The following PHF3 variants were observed in gnomAD, a reference collection of about 807,000 sequenced individuals.
PHF3 encodes PHD finger protein 3.
Under a neutral mutation model 178.4 loss-of-function variants are expected in PHF3, and 41 were observed. The ratio of observed to expected loss-of-function variants is 0.23; its 90% CI spans 0.18 to 0.30. PHF3 has a LOEUF of 0.30. PHF3 is among the 10% of genes least tolerant of loss of function. PHF3 has a pLI of 1.00. For missense variants in PHF3, 2,346 were observed against 2,398.1 expected, an observed-to-expected ratio of 0.98 and a Z score of 0.45; for synonymous variants, 842 against 800.5, an observed-to-expected ratio of 1.05 and a Z score of -0.88.
Position 63,721,641 on chromosome 6 carries a change from A to G in PHF3, c.*7933A>G. The stretch of plus-strand genomic sequence containing the variant: ...TGTTACATTTATCCCATCTAGATCC[A>G]GGTAGCCTTCTGCACCAACTCTTCC... On this transcript the variant is annotated 3_prime_UTR_variant, in exon 16 of 16. Coordinates refer to ENST00000262043, the MANE Select transcript of PHF3 (RefSeq NM_001370348.2). 1 of 1,551,406 alleles carries G rather than the reference A, an allele frequency of 6.4e-7. No individual in the cohort carries two copies. Among genetic ancestry groups the G allele is most frequent in the Non-Finnish European group, 8.7e-7 (1 of 1,146,694 alleles).
At chr6:63,641,603 AC>A (rs1318635058) in intron 1 of PHF3, among the ~76,000 whole-genome samples, 1 of 149,878 alleles carries the variant, frequency 6.7e-6, no homozygotes, top group East Asian at 2.0e-4. Context: ...TCATAGGTTT[AC>A]TTTGAAGGTG....
chr6:63,671,532 A>C (rs1765916340), intron 2 of PHF3, among the ~76,000 whole-genome samples: 1 of 152,224 alleles, frequency 6.6e-6, no homozygotes, highest in African/African-American at 2.4e-5. Flanking sequence ...TCTCTCAAAC[A>C]TTGAGAGTAG....
intron 2 of PHF3, among the ~76,000 whole-genome samples, chr6:63,651,871 C>T (rs1293566940): frequency 1.3e-5 from 2 of 152,120 alleles, no homozygotes; most frequent in African/African-American, 4.8e-5. Context: ...CCCATAATGG[C>T]AGAATTTTGT....
At chr6:63,710,661 CTTT>C (rs1172312066) in intron 14 of PHF3, among the ~76,000 whole-genome samples, 1 of 152,104 alleles carries the variant, frequency 6.6e-6, no homozygotes. Context: ...TCATCCAGCC[CTTT>C]TTATTTCTAA....
chr6:63,710,725 T>G (rs986288329), intron 14 of PHF3, among the ~76,000 whole-genome samples: 5 of 152,140 alleles, frequency 3.3e-5, no homozygotes, highest in South Asian at 2.1e-4. Context: ...TTTGTGTATA[T>G]AAATGTATGG....
At chr6:63,671,846 A>G (rs575712818) in intron 2 of PHF3, among the ~76,000 whole-genome samples, 1 of 152,318 alleles carries the variant, frequency 6.6e-6, no homozygotes, top group African/African-American at 2.4e-5. Flanking sequence ...TACCTGGTTC[A>G]GGTGATTCTC....
rs748710464 is a variant in PHF3 at position 63,680,131 on chromosome 6, C to G, written c.376C>G (p.Pro126Ala). 3.1e-6 allele frequency: 5 copies of G among 1,608,838 alleles called. No homozygotes were observed. Among genetic ancestry groups the G allele is most frequent in the East Asian group, 4.5e-5 (2 of 44,796 alleles). ...DKVEENSVRS[P>A]RKSPRLMAQE... is the part of the protein sequence containing the mutation. ...GGTAGAAGAAAATTCAGTGAGATCT[C>G]CAAGAAAATCACCTCGTTTAATGGC... Residue 126 changes from proline (P) to alanine (A), a missense_variant, in exon 3 of 16, where the codon CCA (proline) becomes GCA (alanine). This residue lies in a region of PHF3 where 843 missense variants were observed against 795.2 expected (regional missense o/e 1.06). Transcript: ENST00000262043.
At chr6:63,676,411 T>G (rs796720269) in intron 2 of PHF3, among the ~76,000 whole-genome samples, 12 of 152,344 alleles carry the variant, frequency 7.9e-5, no homozygotes, top group African/African-American at 2.9e-4. Context: ...TGTGCTGTTT[T>G]GCATAAGGTG....
chr6:63,706,255 C>G, intron 12 of PHF3, 31 bp downstream of exon 12: 1 of 1,506,430 alleles, frequency 6.6e-7, no homozygotes, highest in Non-Finnish European at 9.1e-7. Flanking sequence ...TTCTGTAATA[C>G]TCATTATAGA....
chr6:63,668,956 AG>A (rs1305930896), intron 2 of PHF3, among the ~76,000 whole-genome samples: 1 of 152,200 alleles, frequency 6.6e-6, no homozygotes, highest in Non-Finnish European at 1.5e-5. Flanking sequence ...ACTTCAAAAA[AG>A]CATGTGAAAT....
intron 2 of PHF3, among the ~76,000 whole-genome samples, chr6:63,679,489 GT>G (rs201419931): frequency 2.7e-5 from 4 of 146,724 alleles, no homozygotes; most frequent in African/African-American, 2.5e-5. Context: ...GTTTCTTCCT[GT>G]TTTTTTTTTC....
At position 63,710,940 on chromosome 6, in the gene PHF3, G is replaced by T. The variant is rs112251020; in HGVS notation, c.3802-227G>T. On this transcript the variant is annotated intron_variant, in intron 14 of 15. Transcript: ENST00000262043. Reference sequence around the variant, plus strand: ...TTTGGACTCCATTTCTTATGTTTCCGTAAGAAATGTAAGCTATCAGATAAA... The same window carrying T: ...TTTGGACTCCATTTCTTATGTTTCCTTAAGAAATGTAAGCTATCAGATAAA... 7.0e-3 allele frequency among the ~76,000 whole-genome samples: 1,071 copies of T among 152,232 alleles called. 15 individuals are homozygous for T. Among genetic ancestry groups the T allele is most frequent in the South Asian group, 0.024 (115 of 4,826 alleles).
Position 63,722,486 on chromosome 6 carries a change from A to G in PHF3, c.*8778A>G, listed in dbSNP as rs1341871038. Among the ~76,000 whole-genome samples the G allele has an allele frequency of 6.6e-6, 1 of 152,320 alleles. No individual in the cohort carries two copies. The highest frequency in any genetic ancestry group is 2.1e-4 in the South Asian group (1 of 4,828). On this transcript the variant is annotated 3_prime_UTR_variant, in exon 16 of 16. Transcript: ENST00000262043. ...TAATTATATAGTCGTGTGAAGAAAT[A>G]GGAACAAATACCATCCAGCATCTGA...
intron 3 of PHF3, 100 bp downstream of exon 3, chr6:63,680,261 T>C: frequency 9.2e-7 from 1 of 1,091,030 alleles, no homozygotes; most frequent in Non-Finnish European, 1.3e-6. Context: ...TCTTGATGTT[T>C]TGCTAATCCA....
chr6:63,643,961 T>A (rs1764680095), intron 1 of PHF3, among the ~76,000 whole-genome samples: 1 of 152,220 alleles, frequency 6.6e-6, no homozygotes, highest in Admixed American at 6.5e-5. Flanking sequence ...TGGTCTTCAG[T>A]ATAGCTATGG....
At chr6:63,680,398 A>ATTT (rs994238749) in intron 3 of PHF3, among the ~76,000 whole-genome samples, 27 of 117,578 alleles carry the variant, frequency 2.3e-4, no homozygotes, top group African/African-American at 6.9e-4. Context: ...AGCTGGTTTA[A>ATTT]TTTTTTTTTT....
intron 2 of PHF3, among the ~76,000 whole-genome samples, chr6:63,664,740 T>A (rs144492292): frequency 0.011 from 1,630 of 152,262 alleles, 20 homozygotes; most frequent in African/African-American, 0.038. Context: ...ATAAAATTTT[T>A]TACATATCTG....
At chr6:63,695,375 A>G (rs528660583) in intron 6 of PHF3, among the ~76,000 whole-genome samples, 22 of 152,174 alleles carry the variant, frequency 1.4e-4, no homozygotes, top group South Asian at 4.1e-4. Context: ...GTATATGTCT[A>G]TCTGTATAGC....
At chr6:63,703,715 A>G in intron 11 of PHF3, 44 bp downstream of exon 11, 14 of 1,563,120 alleles carry the variant, frequency 9.0e-6, no homozygotes, top group Non-Finnish European at 1.2e-5. Context: ...TTCATTATGA[A>G]AGAAGGATAC....
Sources: gnomAD v4.1 joint callset for allele counts (sites outside exome capture counted in the v4.1 genomes callset) on GRCh38, gnomAD v4.1.1 for gene constraint, gnomAD v4.1.1 regional missense constraint, MANE v1.5 for transcripts, NCBI Gene and HGNC (gene_info 2026-07-23, HGNC 2026-07-21) for gene names.